MBOAT1: variants seen among roughly 807,000 people sequenced by gnomAD.
MBOAT1 encodes membrane-bound glycerophospholipid O-acyltransferase 1.
In MBOAT1, 67 loss-of-function variants were observed where a neutral mutation model predicts 64.4. That is an observed-to-expected ratio of 1.04 (90% CI 0.85 to 1.27). MBOAT1 has a LOEUF of 1.27. MBOAT1 is among the 50% of genes most tolerant of loss of function. The pLI is 0.00. For synonymous variants in MBOAT1, 229 were observed against 218.9 expected (o/e 1.05, Z -0.41); for missense variants, 563 against 604.6 (o/e 0.93, Z 0.72).
chr6:20,118,343 G>T, intron 9 of MBOAT1, 94 bp downstream of exon 9: 3 of 971,292 alleles, frequency 3.1e-6, no homozygotes, highest in Non-Finnish European at 4.8e-6. Flanking sequence ...GCTTTTCTTT[G>T]GACACATGGA....
At chr6:20,132,044 G>A (rs536202481) in intron 4 of MBOAT1, among the ~76,000 whole-genome samples, 3 of 150,672 alleles carry the variant, frequency 2.0e-5, no homozygotes, top group South Asian at 2.1e-4. Context: ...CATCGCGCCC[G>A]GCTAATTTTT....
intron 11 of MBOAT1, among the ~76,000 whole-genome samples, chr6:20,111,881 T>TATATAC: frequency 1.3e-5 from 1 of 79,866 alleles, no homozygotes; most frequent in East Asian, 3.3e-4. Flanking sequence ...TATATATATG[T>TATATAC]ATATATATAT....
rs1182478164 is a variant in MBOAT1, at chr6:20,142,498, G to A, written c.419+1722C>T. On this transcript the variant is annotated intron_variant, in intron 4 of 12. Transcript: ENST00000324607. The stretch of plus-strand genomic sequence containing the variant: ...ACGGTCTCGCTCTGCCACCCAGGCT[G>A]GAGTGCAGTGGCGCGATCTCAGCTC... 2.6e-5 allele frequency among the ~76,000 whole-genome samples: 4 copies of A among 152,186 alleles called. No homozygotes were observed. In the South Asian group the frequency reaches 8.3e-4, roughly 31 times the overall value.
At chr6:20,168,413 T>C (rs1183671428) in intron 1 of MBOAT1, among the ~76,000 whole-genome samples, 3 of 150,284 alleles carry the variant, frequency 2.0e-5, no homozygotes, top group African/African-American at 7.4e-5. Flanking sequence ...TGCAGTGAGC[T>C]GAGATCACCC....
chr6:20,111,943 T>G (rs1409473469), intron 11 of MBOAT1, among the ~76,000 whole-genome samples: 1 of 147,328 alleles, frequency 6.8e-6, no homozygotes, highest in Admixed American at 6.9e-5. Context: ...GGGGAGGGAC[T>G]CTTGTCTTGT....
chr6:20,164,638 T>TAA (rs60436698), intron 1 of MBOAT1, among the ~76,000 whole-genome samples: 6 of 151,882 alleles, frequency 4.0e-5, no homozygotes, highest in South Asian at 2.1e-4. Context: ...AGGCATCTTT[T>TAA]AAAAAAATTT....
At chr6:20,169,965 A>G (rs972461162) in intron 1 of MBOAT1, among the ~76,000 whole-genome samples, 5 of 152,004 alleles carry the variant, frequency 3.3e-5, no homozygotes, top group African/African-American at 1.2e-4. Context: ...AATGAACAAC[A>G]CCCAGTCTTG....
intron 1 of MBOAT1, among the ~76,000 whole-genome samples, chr6:20,153,384 G>A (rs1390329227): frequency 6.6e-6 from 1 of 152,132 alleles, no homozygotes; most frequent in African/African-American, 2.4e-5. Flanking sequence ...TCTGTTTAGT[G>A]GGTCTCTTTT....
rs147720615 is a variant in MBOAT1, at chr6:20,112,893, T to C, written c.1192A>G (p.Thr398Ala). 1.8e-4 allele frequency: 292 copies of C among 1,613,794 alleles called. No homozygotes were observed. The highest frequency in any genetic ancestry group is 2.3e-4 in the Non-Finnish European group (272 of 1,179,892). The change falls in exon 11 of 13, where the codon ACA becomes GCA. Residue 398 changes from threonine to alanine, a missense_variant. By Grantham distance (58) the Thr-to-Ala change is moderately conservative (BLOSUM62 0). Transcript: ENST00000324607. The stretch of plus-strand genomic sequence containing the variant: ...ACACTTACCGCTCTAGCTGCTAATG[T>C]GACAAGAATTCCAGTTAAGAAGGTA... ...YFTFLTGILVTLAARAVRNNY... is the reference protein window; with the variant it reads ...YFTFLTGILVALAARAVRNNY...
At chr6:20,128,574 G>A (rs1760726159) in intron 6 of MBOAT1, 125 bp downstream of exon 6, 2 of 666,836 alleles carry the variant, frequency 3.0e-6, no homozygotes, top group Admixed American at 7.3e-5. Context: ...ATCAATAGCA[G>A]ATTCATAAAA....
intron 8 of MBOAT1, among the ~76,000 whole-genome samples, chr6:20,124,066 G>T (rs1160199082): frequency 5.9e-5 from 9 of 151,920 alleles, no homozygotes; most frequent in African/African-American, 2.2e-4. Context: ...CAAAAAAAAA[G>T]AAAGCCAGAT....
chr6:20,205,637 G>A (rs1763239862), intron 1 of MBOAT1, among the ~76,000 whole-genome samples: 5 of 152,084 alleles, frequency 3.3e-5, no homozygotes, highest in Admixed American at 2.6e-4. Context: ...CACAGGCTCT[G>A]AGGGACAGTC....
At chr6:20,184,970 G>C (rs1295100454) in intron 1 of MBOAT1, among the ~76,000 whole-genome samples, 1 of 151,374 alleles carries the variant, frequency 6.6e-6, no homozygotes, top group Non-Finnish European at 1.5e-5. Flanking sequence ...ATCTGTGTAA[G>C]GGCAGGCATA....
chr6:20,131,004 C>T (rs995261937), intron 5 of MBOAT1, 140 bp downstream of exon 5: 13 of 677,302 alleles, frequency 1.9e-5, no homozygotes, highest in South Asian at 5.6e-5. Context: ...CTATGATTGC[C>T]GAGGCCTGGA....
At chr6:20,195,516 T>A (rs1490678541) in intron 1 of MBOAT1, among the ~76,000 whole-genome samples, 1 of 152,164 alleles carries the variant, frequency 6.6e-6, no homozygotes, top group Non-Finnish European at 1.5e-5. Context: ...GAAAATGGTC[T>A]TAGAAACCAA....
intron 1 of MBOAT1, among the ~76,000 whole-genome samples, chr6:20,160,977 G>T (rs1168328108): frequency 1.3e-5 from 2 of 152,086 alleles, no homozygotes; most frequent in Admixed American, 1.3e-4. Context: ...CTCTAATTCA[G>T]GGGTTCCCAA....
chr6:20,110,389 A>G (rs929780808), intron 11 of MBOAT1, among the ~76,000 whole-genome samples: 2 of 150,062 alleles, frequency 1.3e-5, no homozygotes, highest in African/African-American at 4.9e-5. Context: ...AGTTTTAAAA[A>G]ATTTTTGTAG....
At chr6:20,197,783 G>A (rs1449499663) in intron 1 of MBOAT1, among the ~76,000 whole-genome samples, 1 of 152,288 alleles carries the variant, frequency 6.6e-6, no homozygotes, top group African/African-American at 2.4e-5. Flanking sequence ...CCCTGAGGCT[G>A]TGTCACAGGT....
chr6:20,129,961 T>C (rs1166007479), intron 5 of MBOAT1, among the ~76,000 whole-genome samples: 1 of 152,174 alleles, frequency 6.6e-6, no homozygotes, highest in African/African-American at 2.4e-5. Context: ...GGTATAAAAC[T>C]ACCTGGTTCT....
Sources: gnomAD v4.1 joint callset for allele counts (sites outside exome capture counted in the v4.1 genomes callset) on GRCh38, gnomAD v4.1.1 for gene constraint, MANE v1.5 for transcripts, NCBI Gene and HGNC (gene_info 2026-07-23, HGNC 2026-07-21) for gene names.